The following ATP5MC3 variants were observed in gnomAD, a reference collection of about 807,000 sequenced individuals.
ATP5MC3 encodes the protein ATP synthase F(0) complex subunit C3, mitochondrial.
In ATP5MC3, 6 loss-of-function variants were observed where a neutral mutation model predicts 15.6. That is an observed-to-expected ratio of 0.38 (90% CI 0.21 to 0.76). The LOEUF (loss-of-function observed/expected upper bound fraction) is 0.76, where lower values mean the gene tolerates loss of function less well. Ranked by LOEUF, ATP5MC3 falls within the 30% of genes least tolerant of loss-of-function variation. ATP5MC3 has a pLI of 0.44. For synonymous variants in ATP5MC3, 66 were observed against 63.3 expected (o/e 1.04, Z -0.20); for missense variants, 132 against 171.2 (o/e 0.77, Z 1.28).
At chr2:175,179,978 TA>T in intron 3 of ATP5MC3, 119 bp downstream of exon 3, 1 of 828,522 alleles carries the variant, frequency 1.2e-6, no homozygotes, top group Non-Finnish European at 1.8e-6. Context: ...GTTTTTTGGA[TA>T]AAAGGGTGGG....
Position 175,177,140 on chromosome 2 carries a change from G to A in ATP5MC3, c.*1148C>T, listed in dbSNP as rs1483444221. The A allele has an allele frequency of 1.4e-4, 21 of 152,148 alleles. No individual in the cohort carries two copies. The highest frequency in any genetic ancestry group is 1.4e-3 in the Admixed American group (21 of 15,280). 9.4% of individuals were successfully genotyped at this position (152,148 alleles called of 1,614,324 possible). On this transcript the variant is annotated 3_prime_UTR_variant, in exon 5 of 5. Transcript: ENST00000284727. ...AAACCACCTGGGAAGCCTTTTTAAA[G>A]ATGTAGATTGCTGAGTCTCATGTCC...
chr2:175,180,202 A>C (rs371342791), intron 2 of ATP5MC3, 24 bp from the exon 3 acceptor site: 57 of 1,532,004 alleles, frequency 3.7e-5, no homozygotes, highest in Non-Finnish European at 4.8e-5. Context: ...AAAAATAAAG[A>C]TTTCAATATT....
chr2:175,178,832 T>C (rs1296254658), intron 4 of ATP5MC3: 3 of 1,109,658 alleles, frequency 2.7e-6, no homozygotes, highest in Admixed American at 3.6e-5. Context: ...AGCTATGACC[T>C]GGGCAAGTAA....
intron 3 of ATP5MC3, 32 bp from the exon 4 acceptor site, chr2:175,179,282 AT>A: frequency 6.4e-7 from 1 of 1,568,810 alleles, no homozygotes; most frequent in Non-Finnish European, 8.7e-7. Flanking sequence ...TAAAGGTCGT[AT>A]CAGTAACCAC....
At chr2:175,178,528 G>A (rs1055896799) in intron 4 of ATP5MC3, 126 bp from the exon 5 acceptor site, 3 of 1,436,814 alleles carry the variant, frequency 2.1e-6, no homozygotes, top group African/African-American at 2.9e-5. Context: ...AAGAGTATTT[G>A]CCTAGATCTC....
At chr2:175,179,329 A>G in intron 3 of ATP5MC3, 79 bp from the exon 4 acceptor site, 1 of 1,469,582 alleles carries the variant, frequency 6.8e-7, no homozygotes, top group Non-Finnish European at 9.1e-7. Context: ...TATTGTCAAA[A>G]TGATAACTAC....
chr2:175,178,872 G>C, intron 4 of ATP5MC3, 185 bp downstream of exon 4: 1 of 1,152,754 alleles, frequency 8.7e-7, no homozygotes, highest in Non-Finnish European at 1.2e-6. Flanking sequence ...GTCCTTCATA[G>C]ATGTTATTCT....
rs1361073307 is a variant in ATP5MC3, at chr2:175,177,589, A to C, written c.*699T>G. On this transcript the variant is annotated 3_prime_UTR_variant, in exon 5 of 5. Coordinates refer to ENST00000284727, the MANE Select transcript of ATP5MC3 (RefSeq NM_001689.5). ...AATTTTTGGCTGTAAAAATCTAGCC[A>C]ATTCAGTTTTTTGATATTTGGTTTT... The C allele has an allele frequency of 6.6e-6, 1 of 152,192 alleles. No homozygotes were observed. Among genetic ancestry groups the C allele is most frequent in the Non-Finnish European group, 1.5e-5 (1 of 68,020 alleles). 9.4% of individuals were successfully genotyped at this position (152,192 alleles called of 1,614,324 possible).
rs990900853 is a variant in ATP5MC3, at chr2:175,178,001, A to C, written c.*287T>G. 3.9e-6 allele frequency: 1 copy of C among 258,526 alleles called. No individual in the cohort carries two copies. The highest frequency in any genetic ancestry group is 2.3e-5 in the African/African-American group (1 of 44,068). The allele number at this position is 258,526 out of a possible 1,614,324, so 16.0% of individuals were successfully genotyped here. ...CAATATGCAGAACACTATATAAAAG[A>C]ATTCCCATAAAAATTACATTGGAAT... On this transcript the variant is annotated 3_prime_UTR_variant, in exon 5 of 5. Coordinates refer to ENST00000284727, the MANE Select transcript of ATP5MC3 (RefSeq NM_001689.5).
chr2:175,178,611 A>C, intron 4 of ATP5MC3: 2 of 1,288,142 alleles, frequency 1.6e-6, no homozygotes, highest in Non-Finnish European at 2.0e-6. Context: ...ATAAATGGTT[A>C]GTTTTCATTC....
At chr2:175,179,914 T>C (rs999250640) in intron 3 of ATP5MC3, 184 bp downstream of exon 3, 5 of 527,464 alleles carry the variant, frequency 9.5e-6, no homozygotes, top group Non-Finnish European at 1.6e-5. Context: ...TAGAGAAATT[T>C]CTCTATTCGT....
chr2:175,181,440 G>A lies in ATP5MC3; in HGVS notation c.-47C>T, dbSNP rs777174231. On this transcript the variant is annotated 5_prime_UTR_variant, in exon 2 of 5. Transcript: ENST00000284727. ...CGGCTGGAGATATTGGGTGACAGGC[G>A]ACGTGGGCTCCTCTCCCGCTTCCTC... 9 of 1,609,552 alleles carry A rather than the reference G, an allele frequency of 5.6e-6. No individual in the cohort carries two copies. In the Admixed American group the frequency reaches 1.2e-4, roughly 21 times the overall value.
chr2:175,181,652 T>G lies in ATP5MC3; in HGVS notation c.-74+4A>C, dbSNP rs928217956. The G allele has an allele frequency of 8.1e-6, 4 of 490,964 alleles. No individual in the cohort carries two copies. Among genetic ancestry groups the G allele is most frequent in the Admixed American group, 4.0e-5 (1 of 25,262 alleles). 30.4% of individuals were successfully genotyped at this position (490,964 alleles called of 1,614,324 possible). A position where few individuals can be genotyped will look rare whatever the true frequency, so the allele number is the denominator to read the frequency against. The stretch of plus-strand genomic sequence containing the variant: ...AGGCCGGGCTCCCTGTGCCCTCCAC[T>G]TACCTTCCCAGGAGGCGGCGGCGGC... On this transcript the variant is annotated splice_donor_region_variant and intron_variant, in intron 1 of 4. Transcript: ENST00000284727.
At chr2:175,181,280 C>T in intron 2 of ATP5MC3, 75 bp downstream of exon 2, 1 of 1,545,786 alleles carries the variant, frequency 6.5e-7, no homozygotes. Context: ...CGAAGGTTGC[C>T]CCATTCAACA....
intron 1 of ATP5MC3, 91 bp downstream of exon 1, chr2:175,181,565 C>G (rs1409166364): frequency 9.1e-6 from 7 of 766,630 alleles, no homozygotes; most frequent in African/African-American, 3.6e-5. Context: ...GCTTGGGCCC[C>G]GTGCCCAGTG....
At position 175,177,125 on chromosome 2, in the gene ATP5MC3, G is replaced by A. The variant is rs1700698932; in HGVS notation, c.*1163C>T. The stretch of plus-strand genomic sequence containing the variant: ...AAACAGTATGCACAAAAACCACCTG[G>A]GAAGCCTTTTTAAAGATGTAGATTG... On this transcript the variant is annotated 3_prime_UTR_variant, in exon 5 of 5. Transcript: ENST00000284727. 6.6e-6 allele frequency: 1 copy of A among 152,044 alleles called. No individual in the cohort carries two copies. Among genetic ancestry groups the A allele is most frequent in the Non-Finnish European group, 1.5e-5 (1 of 68,012 alleles). The allele number at this position is 152,044 out of a possible 1,614,324, so 9.4% of individuals were successfully genotyped here.
Position 175,176,510 on chromosome 2 carries a change from T to C in ATP5MC3, c.*1778A>G, listed in dbSNP as rs747677771. ...ATAATCTTTTAATTTTTGAGCCAGATTTAGCAGTGAGGGGCTATATACCAA... is the reference window on the plus strand; with the variant it reads ...ATAATCTTTTAATTTTTGAGCCAGACTTAGCAGTGAGGGGCTATATACCAA... On this transcript the variant is annotated 3_prime_UTR_variant, in exon 5 of 5. Transcript: ENST00000284727. The C allele has an allele frequency of 3.9e-5, 6 of 152,170 alleles. No homozygotes were observed. Among genetic ancestry groups the C allele is most frequent in the Non-Finnish European group, 7.4e-5 (5 of 68,020 alleles). The allele number at this position is 152,170 out of a possible 1,614,324, so 9.4% of individuals were successfully genotyped here. A position where few individuals can be genotyped will look rare whatever the true frequency, so the allele number is the denominator to read the frequency against.
chr2:175,181,104 C>G (rs268226), intron 2 of ATP5MC3, among the ~76,000 whole-genome samples: 1 of 152,324 alleles, frequency 6.6e-6, no homozygotes, highest in South Asian at 2.1e-4. Context: ...GTCTAGGGAC[C>G]AGAGAGTTTG....
At chr2:175,179,626 G>C (rs534525484) in intron 3 of ATP5MC3, 1 of 201,128 alleles carries the variant, frequency 5.0e-6, no homozygotes, top group Admixed American at 5.7e-5. Context: ...CCCCACCTCA[G>C]CCTCCTGAGT....
Sources: gnomAD v4.1 joint callset for allele counts (sites outside exome capture counted in the v4.1 genomes callset) on GRCh38, gnomAD v4.1.1 for gene constraint, MANE v1.5 for transcripts, NCBI Gene and HGNC (gene_info 2026-07-23, HGNC 2026-07-21) for gene names.